The following PCDH15 variants were observed in gnomAD, a reference collection of about 807,000 sequenced individuals.
The protein encoded by PCDH15 is protocadherin-15.
In PCDH15, 129 loss-of-function variants were observed where a neutral mutation model predicts 178.5. The ratio of observed to expected loss-of-function variants is 0.72; its 90% CI spans 0.63 to 0.84. The LOEUF (loss-of-function observed/expected upper bound fraction) is 0.84, where lower values mean the gene tolerates loss of function less well. Ranked by LOEUF, PCDH15 falls within the 40% of genes least tolerant of loss-of-function variation. The pLI, the probability that PCDH15 is intolerant of heterozygous loss-of-function variation, is 0.00. For synonymous variants in PCDH15, 800 were observed against 732.0 expected, an observed-to-expected ratio of 1.09 and a Z score of -1.50; for missense variants, 2,230 against 2,099.9, an observed-to-expected ratio of 1.06 and a Z score of -1.21.
intron 3 of PCDH15, among the ~76,000 whole-genome samples, chr10:54,511,904 T>A (rs1274846591): frequency 6.6e-6 from 1 of 152,012 alleles, no homozygotes; most frequent in Non-Finnish European, 1.5e-5. Context: ...TGTTTTCAAA[T>A]GAACTTTGAA....
chr10:55,396,894 C>T (rs1487304614), intron 2 of PCDH15, among the ~76,000 whole-genome samples: 2 of 152,052 alleles, frequency 1.3e-5, no homozygotes, highest in African/African-American at 4.8e-5. Context: ...TAATTTCCTC[C>T]TAAAGGGGAA....
At chr10:54,628,153 C>T (rs1241594707) in intron 2 of PCDH15, among the ~76,000 whole-genome samples, 1 of 152,044 alleles carries the variant, frequency 6.6e-6, no homozygotes, top group African/African-American at 2.4e-5. Context: ...ATACAGGAAC[C>T]AAGGGAACAG....
At chr10:53,919,574 G>A (rs1426920670) in intron 25 of PCDH15, among the ~76,000 whole-genome samples, 1 of 151,842 alleles carries the variant, frequency 6.6e-6, no homozygotes, top group African/African-American at 2.4e-5. Context: ...AGGCTTGGAG[G>A]GATTAAATAA....
intron 2 of PCDH15, among the ~76,000 whole-genome samples, chr10:55,425,026 G>C (rs762424893): frequency 6.6e-6 from 1 of 151,670 alleles, no homozygotes; most frequent in East Asian, 1.9e-4. Context: ...AAAGTATTAA[G>C]GGGATATTAT....
In PCDH15 at chr10:53,819,271, G is replaced by A. The variant is rs148204542; in HGVS notation, c.4433+894C>T. Among the ~76,000 whole-genome samples, 533 of 151,996 alleles carry A rather than the reference G, an allele frequency of 3.5e-3. 5 individuals are homozygous for A. The highest frequency in any genetic ancestry group is 0.012 in the African/African-American group (486 of 41,506). On this transcript the variant is annotated intron_variant, in intron 33 of 37. Transcript: ENST00000644397. The stretch of plus-strand genomic sequence containing the variant: ...CTTTATTTTTTAGACGATTTCTTCT[G>A]ACTCCTTTTATTAGCAATGTTTTCC...
intron 2 of PCDH15, among the ~76,000 whole-genome samples, chr10:55,375,318 T>A (rs1837366400): frequency 6.6e-6 from 1 of 152,106 alleles, no homozygotes; most frequent in Admixed American, 6.6e-5. Flanking sequence ...GATTTTTAAG[T>A]GATTTTTTTT....
intron 11 of PCDH15, chr10:54,189,228 A>G: frequency 3.8e-6 from 2 of 531,880 alleles, no homozygotes; most frequent in African/African-American, 2.0e-5. Context: ...TTAAATTTAT[A>G]TAAAGTATTT....
chr10:54,775,864 C>T (rs991606001), intron 1 of PCDH15, among the ~76,000 whole-genome samples: 91 of 152,054 alleles, frequency 6.0e-4, no homozygotes, highest in African/African-American at 2.2e-3. Context: ...CCAGCCTGGG[C>T]GACAGAGCAA....
intron 21 of PCDH15, among the ~76,000 whole-genome samples, chr10:53,979,142 A>C (rs1247277827): frequency 6.6e-6 from 1 of 152,158 alleles, no homozygotes; most frequent in Non-Finnish European, 1.5e-5. Context: ...TGCTATGGGG[A>C]CATACCAGAT....
In PCDH15 at chr10:54,690,535, G is replaced by A. The variant is rs112572430; in HGVS notation, c.-28-26245C>T. On this transcript the variant is annotated intron_variant, in intron 1 of 37. Coordinates refer to ENST00000644397, the MANE Select transcript of PCDH15 (RefSeq NM_001384140.1). ...TCACCATGTTGGCCAGGCTTGTCTC[G>A]ATCTCCTGACCTTGTGATCCACCCA... Among the ~76,000 whole-genome samples, 550 of 151,930 alleles carry A rather than the reference G, an allele frequency of 3.6e-3. 2 individuals carry two copies. Among genetic ancestry groups the A allele is most frequent in the Non-Finnish European group, 4.7e-3 (317 of 67,958 alleles).
intron 5 of PCDH15, among the ~76,000 whole-genome samples, chr10:54,362,324 G>A (rs963486835): frequency 2.6e-5 from 4 of 151,850 alleles, no homozygotes; most frequent in African/African-American, 9.7e-5. Context: ...TATGCCTAAT[G>A]ACAAAAGGAG....
chr10:55,498,798 C>T (rs2132136660), intron 2 of PCDH15, among the ~76,000 whole-genome samples: 1 of 151,934 alleles, frequency 6.6e-6, no homozygotes, highest in Non-Finnish European at 1.5e-5. Flanking sequence ...ATAATGGCCT[C>T]ATGAGTTTGG....
intron 2 of PCDH15, among the ~76,000 whole-genome samples, chr10:55,336,189 C>G (rs1844388329): frequency 6.7e-6 from 1 of 149,000 alleles, no homozygotes; most frequent in Admixed American, 6.7e-5. Context: ...GACTTTCTCC[C>G]TTGCAGCAGG....
intron 2 of PCDH15, among the ~76,000 whole-genome samples, chr10:55,330,100 ACT>A (rs1300930566): frequency 6.6e-6 from 1 of 151,578 alleles, no homozygotes; most frequent in Non-Finnish European, 1.5e-5. Context: ...ATAATTTAAA[ACT>A]CTTAGTAAAA....
At chr10:54,006,695 G>A (rs887754792) in intron 20 of PCDH15, among the ~76,000 whole-genome samples, 3 of 152,098 alleles carry the variant, frequency 2.0e-5, no homozygotes, top group Non-Finnish European at 4.4e-5. Context: ...ATCTAGAAAA[G>A]CTATCCTTTT....
chr10:55,125,002 A>G (rs1453735790), intron 2 of PCDH15, among the ~76,000 whole-genome samples: 1 of 152,108 alleles, frequency 6.6e-6, no homozygotes, highest in Admixed American at 6.6e-5. Flanking sequence ...TCTATAAAAA[A>G]AGACCTATTG....
intron 15 of PCDH15, among the ~76,000 whole-genome samples, chr10:54,121,180 C>T (rs1718567221): frequency 6.6e-6 from 1 of 151,986 alleles, no homozygotes; most frequent in African/African-American, 2.4e-5. Flanking sequence ...AAACAGCTTG[C>T]TCCTGAGTGA....
At chr10:55,188,413 T>A (rs1839855778) in intron 1 of PCDH15, among the ~76,000 whole-genome samples, 1 of 151,950 alleles carries the variant, frequency 6.6e-6, no homozygotes, top group Non-Finnish European at 1.5e-5. Context: ...AGTTACTTTT[T>A]CTGGCATCAA....
chr10:54,366,674 T>C (rs1359057581), intron 5 of PCDH15, among the ~76,000 whole-genome samples: 6 of 96,844 alleles, frequency 6.2e-5, no homozygotes, highest in Non-Finnish European at 1.1e-4. Context: ...TAGCTAAATT[T>C]CTATTTTTTT....
Sources: gnomAD v4.1 joint callset for allele counts (sites outside exome capture counted in the v4.1 genomes callset) on GRCh38, gnomAD v4.1.1 for gene constraint, MANE v1.5 for transcripts, NCBI Gene and HGNC (gene_info 2026-07-23, HGNC 2026-07-21) for gene names.